ARHGEF18: variants seen among roughly 807,000 people sequenced by gnomAD.
The protein encoded by ARHGEF18 is rho guanine nucleotide exchange factor 18.
A neutral mutation model predicts 155.7 loss-of-function variants in ARHGEF18; 93 were observed. The observed-to-expected ratio is 0.60, with a 90% confidence interval of 0.50 to 0.71. ARHGEF18 has a LOEUF of 0.71. Ranked by LOEUF, ARHGEF18 falls within the 30% of genes least tolerant of loss-of-function variation. The pLI is 0.00. For synonymous variants in ARHGEF18, 742 were observed against 753.1 expected (o/e 0.99, Z 0.24); for missense variants, 1,593 against 1,816.1 (o/e 0.88, Z 2.23).
chr19:7,458,486 C>A, intron 18 of ARHGEF18, 26 bp from the exon 19 acceptor site: 1 of 1,602,506 alleles, frequency 6.2e-7, no homozygotes, highest in Non-Finnish European at 8.5e-7. Flanking sequence ...AAAGGGTGAC[C>A]TCCCCAATGC....
rs202030895 is a variant in ARHGEF18 at position 7,451,150 on chromosome 19, A to C, written c.1739A>C (p.Lys580Thr). 6.8e-7 allele frequency: 1 copy of C among 1,465,644 alleles called. No homozygotes were observed. Among genetic ancestry groups the C allele is most frequent in the Non-Finnish European group, 9.0e-7 (1 of 1,114,076 alleles). 90.8% of individuals were successfully genotyped at this position (1,465,644 alleles called of 1,614,324 possible). A position where few individuals can be genotyped will look rare whatever the true frequency, so the allele number is the denominator to read the frequency against. Residue 580 changes from lysine to threonine, a missense_variant and splice_region_variant, in exon 16 of 29, where the codon AAA becomes ACA. Coordinates refer to ENST00000668164, the MANE Select transcript of ARHGEF18 (RefSeq NM_001367823.1). ...AGGATCTTGCTTTCTGTTTCCTAGA[A>C]AATTGGCAACTTCTCCATCGTGCGG... is the stretch of plus-strand genomic sequence containing the variant. ...QNKKFQNLIK[K>T]IGNFSIVRRL...
At chr19:7,382,244 C>T (rs1970780767) in intron 8 of ARHGEF18, among the ~76,000 whole-genome samples, 1 of 151,838 alleles carries the variant, frequency 6.6e-6, no homozygotes, top group Non-Finnish European at 1.5e-5. Flanking sequence ...AAATACAAAA[C>T]AATTAGCTGG....
chr19:7,440,114 G>A lies in ARHGEF18; in HGVS notation c.968-230G>A, dbSNP rs74728438. On this transcript the variant is annotated intron_variant, in intron 10 of 28. Coordinates refer to ENST00000668164, the MANE Select transcript of ARHGEF18 (RefSeq NM_001367823.1). The surrounding 1 kb of genome is among the most constrained non-coding windows in gnomAD (Gnocchi z 5.4). ...CCCCGGGCGCGAACATGGGGAATGCGCACTCCAAAAGCGGGGACAGGCACA... is the reference window on the plus strand; with the variant it reads ...CCCCGGGCGCGAACATGGGGAATGCACACTCCAAAAGCGGGGACAGGCACA... 5.7e-3 allele frequency: 8,850 copies of A among 1,550,952 alleles called. 61 individuals are homozygous for A. Among genetic ancestry groups the A allele is most frequent in the Middle Eastern group, 0.022 (129 of 5,984 alleles).
intron 10 of ARHGEF18, among the ~76,000 whole-genome samples, chr19:7,416,152 C>T (rs559359196): frequency 1.3e-5 from 2 of 152,262 alleles, no homozygotes; most frequent in African/African-American, 4.8e-5. Flanking sequence ...AATCTCAGCA[C>T]ACTGGGAGGC....
At chr19:7,449,099 T>C (rs1408121417) in intron 15 of ARHGEF18, among the ~76,000 whole-genome samples, 2 of 152,114 alleles carry the variant, frequency 1.3e-5, no homozygotes, top group Admixed American at 1.3e-4. Context: ...CAATGAAACC[T>C]CCGTCCACGG....
At chr19:7,425,015 C>T (rs1474294251) in intron 10 of ARHGEF18, among the ~76,000 whole-genome samples, 2 of 150,134 alleles carry the variant, frequency 1.3e-5, no homozygotes, top group African/African-American at 4.9e-5. Context: ...AAAAAAGGCT[C>T]AAATTCAGGT....
intron 1 of ARHGEF18, 97 bp downstream of exon 1, chr19:7,349,338 A>C (rs920310099): frequency 6.6e-6 from 1 of 152,542 alleles, no homozygotes; most frequent in Non-Finnish European, 1.5e-5. Context: ...GCAGACATAC[A>C]TCACTGTTTC....
intron 23 of ARHGEF18, among the ~76,000 whole-genome samples, chr19:7,465,364 C>T (rs529766858): frequency 1.3e-5 from 2 of 152,068 alleles, no homozygotes; most frequent in South Asian, 4.2e-4. Flanking sequence ...CAGTGCCTCA[C>T]ACCCATAATC....
At chr19:7,433,786 G>C (rs1019116351) in intron 10 of ARHGEF18, among the ~76,000 whole-genome samples, 1 of 151,848 alleles carries the variant, frequency 6.6e-6, no homozygotes, top group Non-Finnish European at 1.5e-5. Context: ...TTGGAAGGCC[G>C]AGGCAGGCGA....
chr19:7,466,935 G>A lies in ARHGEF18; in HGVS notation c.2922G>A (p.Thr974=), dbSNP rs79986215. The part of the protein sequence containing the change: ...ESPQVVEAPG[T]ESDPRLPTVL... ...CTTCCCAGGTGGAGGCGCCAGGCAC[G>A]GAATCCGATCCCCGTCTGCCCACCG... Residue 974 remains threonine, a synonymous_variant, in exon 24 of 29, where the codon ACG becomes ACA. Coordinates refer to ENST00000668164, the MANE Select transcript of ARHGEF18 (RefSeq NM_001367823.1). 6,141 of 1,613,502 alleles carry A rather than the reference G, an allele frequency of 3.8e-3. 82 individuals are homozygous for A. The highest frequency in any genetic ancestry group is 0.021 in the South Asian group (1,923 of 91,082).
At chr19:7,382,758 C>T (rs377468184) in intron 8 of ARHGEF18, 34 bp from the exon 9 acceptor site, 4 of 1,226,432 alleles carry the variant, frequency 3.3e-6, no homozygotes, top group Non-Finnish European at 4.1e-6. Context: ...TGGCCCCTGG[C>T]CCCCTCTAGT....
intron 1 of ARHGEF18, among the ~76,000 whole-genome samples, chr19:7,362,084 A>AAGAG (rs1969616450): frequency 2.7e-4 from 4 of 14,962 alleles, no homozygotes; most frequent in African/African-American, 1.0e-3. Flanking sequence ...AAGGAGAAGG[A>AAGAG]GAAGGAGAAG....
intron 1 of ARHGEF18, among the ~76,000 whole-genome samples, chr19:7,356,544 G>A (rs60303381): frequency 6.6e-6 from 1 of 152,082 alleles, no homozygotes; most frequent in Non-Finnish European, 1.5e-5. Flanking sequence ...AAAGTGCTGG[G>A]ATTATAGGTG....
At chr19:7,464,023 G>C in intron 22 of ARHGEF18, 68 bp downstream of exon 22, 2 of 1,480,566 alleles carry the variant, frequency 1.4e-6, no homozygotes, top group Middle Eastern at 1.8e-4. Flanking sequence ...AACTTGTATG[G>C]GGTTTCCTAG....
Position 7,462,308 on chromosome 19 carries a change from T to A in ARHGEF18, c.2609T>A (p.Leu870Gln). 1 of 1,605,604 alleles carries A rather than the reference T, an allele frequency of 6.2e-7. No homozygotes were observed. The highest frequency in any genetic ancestry group is 1.1e-5 in the South Asian group (1 of 90,404). The change falls in exon 21 of 29, where the codon CTA (leucine) becomes CAA (glutamine). Residue 870 changes from leucine (L) to glutamine (Q), a missense_variant. Transcript: ENST00000668164. The surrounding 1 kb of genome is among the most constrained non-coding windows in gnomAD (Gnocchi z 4.4). The stretch of plus-strand genomic sequence containing the variant: ...CCATCCGAGACCCTGCAGGGGGAGC[T>A]AATTCTCAAGTCGGCCATGAGCGAG... ...GDPSETLQGE[L>Q]ILKSAMSEIE...
intron 1 of ARHGEF18, among the ~76,000 whole-genome samples, chr19:7,354,075 TG>T (rs1162345378): frequency 6.6e-6 from 1 of 152,158 alleles, no homozygotes; most frequent in Non-Finnish European, 1.5e-5. Flanking sequence ...CTTTGGAGGC[TG>T]AGCCAGGAGG....
chr19:7,469,153 G>A (rs369294880), intron 27 of ARHGEF18, 22 bp downstream of exon 27: 13 of 1,558,388 alleles, frequency 8.3e-6, no homozygotes, highest in African/African-American at 4.1e-5. Flanking sequence ...CCACCCCTTC[G>A]CCTGGGCCTG....
rs200399109 is a variant in ARHGEF18 at position 7,464,625 on chromosome 19, A to G, written c.2839A>G (p.Asn947Asp). 5 of 1,613,846 alleles carry G rather than the reference A, an allele frequency of 3.1e-6. No individual in the cohort carries two copies. In the East Asian group the frequency reaches 6.7e-5, roughly 22 times the overall value. The change falls in exon 23 of 29, where the codon AAC (asparagine) becomes GAC (aspartate). Residue 947 changes from asparagine to aspartate, a missense_variant. Transcript: ENST00000668164. ...PRPRDWRGPPNSPDLKLSDSD... is the reference protein window; with the variant it reads ...PRPRDWRGPPDSPDLKLSDSD... Reference sequence around the variant, plus strand: ...GCCCCGAGACTGGCGAGGCCCCCCAAACAGCCCGGACTTGAAGCTCAGTGA... The same window carrying G: ...GCCCCGAGACTGGCGAGGCCCCCCAGACAGCCCGGACTTGAAGCTCAGTGA...
chr19:7,370,222 G>A (rs1055550448), intron 2 of ARHGEF18, among the ~76,000 whole-genome samples: 7 of 151,786 alleles, frequency 4.6e-5, no homozygotes, highest in African/African-American at 1.5e-4. Flanking sequence ...GGGGCTGGGC[G>A]CGGTGGCTCA....
Sources: gnomAD v4.1 joint callset for allele counts (sites outside exome capture counted in the v4.1 genomes callset) on GRCh38, gnomAD v4.1.1 for gene constraint, Gnocchi (gnomAD v3.1) non-coding constraint, MANE v1.5 for transcripts, NCBI Gene and HGNC (gene_info 2026-07-23, HGNC 2026-07-21) for gene names.